B3GALT1: variants seen among roughly 807,000 people sequenced by gnomAD.
The protein encoded by B3GALT1 is beta-1,3-galactosyltransferase 1, also known as UDP-Gal:betaGlcNAc beta 1,3-galactosyltransferase, polypeptide 1.
B3GALT1 carries 10 observed loss-of-function variants against 23.2 expected under a neutral mutation model. The observed-to-expected ratio is 0.43, with a 90% CI of 0.27 to 0.73. B3GALT1 has a LOEUF of 0.73. Ranked by LOEUF, B3GALT1 falls within the 30% of genes least tolerant of loss-of-function variation. The pLI, the probability that B3GALT1 is intolerant of heterozygous loss-of-function variation, is 0.21. For synonymous variants in B3GALT1, 156 were observed against 141.5 expected, an observed-to-expected ratio of 1.10 and a Z score of -0.73; for missense variants, 299 against 405.4, an observed-to-expected ratio of 0.74 and a Z score of 2.25.
chr2:167,829,251 A>G (rs977415662), intron 4 of B3GALT1, among the ~76,000 whole-genome samples: 2 of 152,150 alleles, frequency 1.3e-5, no homozygotes, highest in African/African-American at 4.8e-5. Context: ...TGGGAGGCCG[A>G]GGTAGGTGGA....
Position 167,348,944 on chromosome 2 carries a change from G to A in B3GALT1, c.-511+55610G>A, listed in dbSNP as rs528060160. Reference sequence around the variant, plus strand: ...GATCTGGGCTTGATTAATCTTTTGTGTAATTGCAGTAGTGAGCAGAGGATT... The same window carrying A: ...GATCTGGGCTTGATTAATCTTTTGTATAATTGCAGTAGTGAGCAGAGGATT... On this transcript the variant is annotated intron_variant, in intron 1 of 4. Coordinates refer to ENST00000392690, the MANE Select transcript of B3GALT1 (RefSeq NM_020981.4). Among the ~76,000 whole-genome samples, 5 of 152,156 alleles carry A rather than the reference G, an allele frequency of 3.3e-5. No individual in the cohort carries two copies. In the South Asian group the frequency reaches 8.3e-4, roughly 25 times the overall value.
chr2:167,727,640 C>T (rs1391367701), intron 3 of B3GALT1, among the ~76,000 whole-genome samples: 1 of 152,162 alleles, frequency 6.6e-6, no homozygotes, highest in Non-Finnish European at 1.5e-5. Context: ...TTAGAATTAT[C>T]ATCAAAATCA....
intron 2 of B3GALT1, among the ~76,000 whole-genome samples, chr2:167,560,862 C>T (rs910734735): frequency 6.6e-6 from 1 of 152,126 alleles, no homozygotes; most frequent in South Asian, 2.1e-4. Flanking sequence ...TAATGGGAGA[C>T]TTTAACACCC....
chr2:167,326,041 C>T (rs1696887501), intron 1 of B3GALT1, among the ~76,000 whole-genome samples: 1 of 151,644 alleles, frequency 6.6e-6, no homozygotes, highest in Non-Finnish European at 1.5e-5. Context: ...AGTGGCTGCA[C>T]TAAATGTCTA....
intron 3 of B3GALT1, among the ~76,000 whole-genome samples, chr2:167,776,040 G>GCACACACACACA (rs71003011): frequency 8.9e-4 from 127 of 142,348 alleles, no homozygotes; most frequent in African/African-American, 2.9e-3. Context: ...ATGCAACTGT[G>GCACACACACACA]CACACACACA....
intron 1 of B3GALT1, among the ~76,000 whole-genome samples, chr2:167,409,020 A>G (rs1280254900): frequency 6.6e-6 from 1 of 152,086 alleles, no homozygotes; most frequent in Non-Finnish European, 1.5e-5. Flanking sequence ...AGAAAAAGAA[A>G]CTCCTAAAAT....
intron 3 of B3GALT1, among the ~76,000 whole-genome samples, chr2:167,699,190 A>T (rs1038506056): frequency 1.3e-5 from 2 of 152,130 alleles, no homozygotes; most frequent in African/African-American, 4.8e-5. Context: ...AGGTATCAGT[A>T]ATAAGTGGTT....
chr2:167,802,218 C>G (rs967701619), intron 3 of B3GALT1, among the ~76,000 whole-genome samples: 1 of 152,182 alleles, frequency 6.6e-6, no homozygotes, highest in Non-Finnish European at 1.5e-5. Context: ...GTGTCCAGCA[C>G]ACGGACTTAG....
intron 3 of B3GALT1, among the ~76,000 whole-genome samples, chr2:167,722,293 A>G (rs1687247212): frequency 1.3e-5 from 2 of 152,210 alleles, no homozygotes; most frequent in African/African-American, 4.8e-5. Context: ...TACGGACTGA[A>G]TACTTTTTTC....
chr2:167,528,622 G>A (rs2105366225), intron 2 of B3GALT1, among the ~76,000 whole-genome samples: 1 of 152,130 alleles, frequency 6.6e-6, no homozygotes, highest in South Asian at 2.1e-4. Context: ...GTTTCCTTAT[G>A]TATAAAATGT....
intron 1 of B3GALT1, among the ~76,000 whole-genome samples, chr2:167,458,025 C>T (rs770044365): frequency 7.9e-5 from 12 of 152,128 alleles, no homozygotes; most frequent in Non-Finnish European, 1.2e-4. Context: ...TTATTAAATA[C>T]ATTTATAATG....
intron 3 of B3GALT1, among the ~76,000 whole-genome samples, chr2:167,811,601 T>C (rs1688890309): frequency 6.6e-6 from 1 of 152,218 alleles, no homozygotes; most frequent in African/African-American, 2.4e-5. Flanking sequence ...TCAATTCTCA[T>C]TCAAGATCTC....
chr2:167,299,558 C>G (rs1006853915), intron 1 of B3GALT1, among the ~76,000 whole-genome samples: 2 of 152,054 alleles, frequency 1.3e-5, no homozygotes, highest in African/African-American at 4.8e-5. Context: ...GTTGATTTCT[C>G]TTGAGTGAAC....
chr2:167,306,796 T>C (rs1696559161), intron 1 of B3GALT1, among the ~76,000 whole-genome samples: 1 of 151,968 alleles, frequency 6.6e-6, no homozygotes, highest in Admixed American at 6.6e-5. Context: ...TCAGCTAGCT[T>C]CCTGACTTCT....
At chr2:167,787,390 A>G (rs1002436881) in intron 3 of B3GALT1, among the ~76,000 whole-genome samples, 3 of 152,238 alleles carry the variant, frequency 2.0e-5, no homozygotes, top group Non-Finnish European at 4.4e-5. Context: ...CTCATCAGAA[A>G]TGAACAAACT....
chr2:167,452,140 A>G lies in B3GALT1; in HGVS notation c.-510-38037A>G, dbSNP rs72872818. Among the ~76,000 whole-genome samples the G allele has an allele frequency of 3.1e-3, 464 of 151,842 alleles. 3 individuals carry two copies. Among genetic ancestry groups the G allele is most frequent in the Non-Finnish European group, 4.5e-3 (306 of 67,894 alleles). On this transcript the variant is annotated intron_variant, in intron 1 of 4. Coordinates refer to ENST00000392690, the MANE Select transcript of B3GALT1 (RefSeq NM_020981.4). ...AAAGCAAGCTGGGCTTTCAGTTTTC[A>G]CACCTTCCCTCCTGCCATGGCTTCT...
intron 1 of B3GALT1, among the ~76,000 whole-genome samples, chr2:167,379,788 G>A (rs1013806499): frequency 7.2e-5 from 11 of 152,240 alleles, no homozygotes; most frequent in African/African-American, 2.7e-4. Context: ...GGTAGGCACT[G>A]GCACCAGTGC....
At chr2:167,389,276 A>G (rs1697978905) in intron 1 of B3GALT1, among the ~76,000 whole-genome samples, 1 of 152,240 alleles carries the variant, frequency 6.6e-6, no homozygotes, top group African/African-American at 2.4e-5. Flanking sequence ...TTTGCAAGTC[A>G]GCGAACAAAT....
chr2:167,796,216 C>T (rs1235191531), intron 3 of B3GALT1, among the ~76,000 whole-genome samples: 3 of 152,154 alleles, frequency 2.0e-5, no homozygotes. Flanking sequence ...TGCCAGGAAG[C>T]TCAATGCAAA....
Sources: gnomAD v4.1 joint callset for allele counts (sites outside exome capture counted in the v4.1 genomes callset) on GRCh38, gnomAD v4.1.1 for gene constraint, MANE v1.5 for transcripts, NCBI Gene and HGNC (gene_info 2026-07-23, HGNC 2026-07-21) for gene names.